The following CDH13 variants were observed in gnomAD, a reference collection of about 807,000 sequenced individuals.
CDH13 encodes cadherin-13.
A neutral mutation model predicts 63.8 loss-of-function variants in CDH13; 24 were observed. The observed-to-expected ratio is 0.38, with a 90% CI of 0.27 to 0.53. The LOEUF (loss-of-function observed/expected upper bound fraction) is 0.53, where lower values mean the gene tolerates loss of function less well. Ranked by LOEUF, CDH13 falls within the 20% of genes least tolerant of loss-of-function variation. CDH13 has a pLI of 0.85. For synonymous variants in CDH13, 503 were observed against 355.3 expected (o/e 1.42, Z -4.67); for missense variants, 1,049 against 903.1 (o/e 1.16, Z -2.07).
intron 5 of CDH13, among the ~76,000 whole-genome samples, chr16:83,223,031 T>A (rs11646944): frequency 0.76 from 115,695 of 151,886 alleles, 45,085 homozygotes; most frequent in East Asian, 0.96. Context: ...GACAATCAGA[T>A]ATGTCTGCTG....
chr16:83,552,075 C>T (rs1358135877), intron 7 of CDH13, among the ~76,000 whole-genome samples: 1 of 152,174 alleles, frequency 6.6e-6, no homozygotes, highest in Admixed American at 6.5e-5. Flanking sequence ...AAGAAAATAG[C>T]AACTCCACCA....
intron 10 of CDH13, among the ~76,000 whole-genome samples, chr16:83,724,023 G>C (rs35856854): frequency 0.23 from 34,231 of 151,158 alleles, 3,916 homozygotes; most frequent in African/African-American, 0.32. Flanking sequence ...TGCATGGGTG[G>C]GTGATGAACG....
intron 1 of CDH13, among the ~76,000 whole-genome samples, chr16:82,659,677 A>G (rs778587280): frequency 1.8e-4 from 28 of 152,262 alleles, no homozygotes; most frequent in East Asian, 3.9e-4. Context: ...CTGGAATACA[A>G]TGGGGGTAAC....
intron 1 of CDH13, among the ~76,000 whole-genome samples, chr16:82,838,935 C>T (rs889452951): frequency 1.3e-5 from 2 of 152,200 alleles, no homozygotes; most frequent in Non-Finnish European, 2.9e-5. Context: ...AATAAATTTT[C>T]AGACATTGCA....
chr16:83,396,756 T>TGAC (rs1369256886), intron 6 of CDH13: 3 of 150,030 alleles, frequency 2.0e-5, no homozygotes, highest in Admixed American at 2.0e-4. Context: ...TCATCACAAA[T>TGAC]GATGATGATG....
At chr16:82,719,845 C>CAAAAAA (rs34017657) in intron 1 of CDH13, among the ~76,000 whole-genome samples, 1 of 88,204 alleles carries the variant, frequency 1.1e-5, no homozygotes, top group African/African-American at 4.3e-5. Flanking sequence ...GACTCTGTCT[C>CAAAAAA]AAAAAAAAAA....
chr16:82,764,051 T>C (rs2151087697), intron 1 of CDH13, among the ~76,000 whole-genome samples: 1 of 152,362 alleles, frequency 6.6e-6, no homozygotes, highest in East Asian at 1.9e-4. Flanking sequence ...TGTTTTAGTA[T>C]GCGCTAATGC....
intron 2 of CDH13, among the ~76,000 whole-genome samples, chr16:82,985,564 G>A (rs567464258): frequency 5.0e-4 from 76 of 152,282 alleles, no homozygotes; most frequent in African/African-American, 1.8e-3. Context: ...TGGTTTTAGA[G>A]ATCATCAGAT....
rs74739236 is a variant in CDH13, at chr16:83,345,803, A to C, written c.781+797A>C. Among the ~76,000 whole-genome samples the C allele has an allele frequency of 8.9e-3, 1,352 of 152,336 alleles. 9 individuals are homozygous for C. Among genetic ancestry groups the C allele is most frequent in the Non-Finnish European group, 0.011 (749 of 68,024 alleles). ...TTAAAATACACTTGAGTGAAAAAAAACACCATATTAAGAGTATCATATTAA... is the reference window on the plus strand; with the variant it reads ...TTAAAATACACTTGAGTGAAAAAAACCACCATATTAAGAGTATCATATTAA... On this transcript the variant is annotated intron_variant, in intron 6 of 13. Coordinates refer to ENST00000567109, the MANE Select transcript of CDH13 (RefSeq NM_001257.5).
intron 3 of CDH13, among the ~76,000 whole-genome samples, chr16:83,066,242 G>C (rs577700281): frequency 1.1e-4 from 16 of 152,288 alleles, no homozygotes; most frequent in African/African-American, 1.4e-4. Context: ...CTAAGCTCTA[G>C]GGGAATCAGT....
intron 1 of CDH13, among the ~76,000 whole-genome samples, chr16:82,640,809 G>T (rs1909306000): frequency 6.6e-6 from 1 of 152,136 alleles, no homozygotes; most frequent in South Asian, 2.1e-4. Flanking sequence ...GTCAACTATG[G>T]AACATAATTC....
At chr16:83,555,136 A>G (rs747268018) in intron 7 of CDH13, among the ~76,000 whole-genome samples, 1 of 152,118 alleles carries the variant, frequency 6.6e-6, no homozygotes, top group African/African-American at 2.4e-5. Context: ...TACTTCATCA[A>G]CCAGACAGTT....
At chr16:82,802,414 T>A (rs1440664576) in intron 1 of CDH13, among the ~76,000 whole-genome samples, 1 of 152,122 alleles carries the variant, frequency 6.6e-6, no homozygotes, top group African/African-American at 2.4e-5. Flanking sequence ...AACAGGAGGA[T>A]ATCTGTCTCA....
chr16:83,674,734 G>A (rs958107861), intron 9 of CDH13, among the ~76,000 whole-genome samples: 3 of 152,242 alleles, frequency 2.0e-5, no homozygotes, highest in African/African-American at 7.2e-5. Context: ...CAGTGGCTCT[G>A]ACAGATGAGT....
intron 3 of CDH13, among the ~76,000 whole-genome samples, chr16:83,058,132 AAGTT>A (rs1191794760): frequency 6.6e-6 from 1 of 152,170 alleles, no homozygotes; most frequent in African/African-American, 2.4e-5. Context: ...TCTAAATACA[AAGTT>A]AGTTTGTTGA....
chr16:83,729,774 C>A (rs1300389355), intron 10 of CDH13, among the ~76,000 whole-genome samples: 1 of 152,232 alleles, frequency 6.6e-6, no homozygotes, highest in African/African-American at 2.4e-5. Context: ...CTATTATTAT[C>A]ATCATCATGA....
chr16:83,628,720 C>G (rs974172524), intron 8 of CDH13, among the ~76,000 whole-genome samples: 1 of 151,924 alleles, frequency 6.6e-6, no homozygotes, highest in African/African-American at 2.4e-5. Context: ...TGGGGTTTTT[C>G]TAGCTGGGCC....
At chr16:82,705,182 C>A (rs753230031) in intron 1 of CDH13, 3 of 455,752 alleles carry the variant, frequency 6.6e-6, no homozygotes, top group African/African-American at 2.0e-5. Flanking sequence ...CAGATTGCTT[C>A]CAGGACTATT....
At chr16:83,694,583 A>C (rs1307284191) in intron 10 of CDH13, among the ~76,000 whole-genome samples, 3 of 152,226 alleles carry the variant, frequency 2.0e-5, no homozygotes, top group Non-Finnish European at 4.4e-5. Flanking sequence ...ATGAGGTGAG[A>C]GGTAAACATT....
Sources: gnomAD v4.1 joint callset for allele counts (sites outside exome capture counted in the v4.1 genomes callset) on GRCh38, gnomAD v4.1.1 for gene constraint, MANE v1.5 for transcripts, NCBI Gene and HGNC (gene_info 2026-07-23, HGNC 2026-07-21) for gene names.